The following LEUTX variants were observed in gnomAD, a reference collection of about 807,000 sequenced individuals.
LEUTX encodes leucine twenty homeobox.
A neutral mutation model predicts 4.5 loss-of-function variants in LEUTX; 5 were observed. The ratio of observed to expected loss-of-function variants is 1.11; its 90% CI spans 0.58 to 2.34. The LOEUF is 2.34. LEUTX is among the 30% of genes most tolerant of loss of function. The pLI, the probability that LEUTX is intolerant of heterozygous loss-of-function variation, is 0.01. For synonymous variants in LEUTX, 89 were observed against 85.1 expected (o/e 1.05, Z -0.25); for missense variants, 233 against 239.4 (o/e 0.97, Z 0.18).
intron 1 of LEUTX, among the ~76,000 whole-genome samples, chr19:39,783,231 A>G (rs1967913193): frequency 6.8e-6 from 1 of 148,026 alleles, no homozygotes; most frequent in African/African-American, 2.5e-5. Flanking sequence ...GCTGAGTGGC[A>G]TTCCATCATA....
intron 2 of LEUTX, among the ~76,000 whole-genome samples, 155 bp from the exon 3 acceptor site, chr19:39,785,543 T>A (rs548256863): frequency 1.3e-5 from 2 of 152,312 alleles, no homozygotes; most frequent in South Asian, 2.1e-4. Context: ...CACTTTTCCC[T>A]TGAAACCCAG....
intron 1 of LEUTX, among the ~76,000 whole-genome samples, chr19:39,782,420 C>T (rs1265626465): frequency 6.6e-6 from 1 of 152,160 alleles, no homozygotes; most frequent in Non-Finnish European, 1.5e-5. Context: ...CTCTTGCTTG[C>T]CACCACGTAA....
At chr19:39,779,177 C>A (rs941342052) in intron 1 of LEUTX, among the ~76,000 whole-genome samples, 2 of 152,102 alleles carry the variant, frequency 1.3e-5, no homozygotes, top group Non-Finnish European at 2.9e-5. Flanking sequence ...GCCTCGAGCT[C>A]CTAGGCCCTA....
intron 1 of LEUTX, among the ~76,000 whole-genome samples, 192 bp from the exon 2 acceptor site, chr19:39,784,335 C>T (rs955822282): frequency 2.0e-5 from 3 of 151,996 alleles, no homozygotes; most frequent in Non-Finnish European, 4.4e-5. Flanking sequence ...GTTAAAGAAC[C>T]TTGTGTTGTC....
intron 2 of LEUTX, 102 bp downstream of exon 2, chr19:39,784,780 G>GT: frequency 1.1e-5 from 9 of 817,708 alleles, no homozygotes; most frequent in Non-Finnish European, 1.6e-5. Flanking sequence ...CAATTGCTAT[G>GT]TGTAAGGACA....
intron 1 of LEUTX, among the ~76,000 whole-genome samples, chr19:39,781,411 T>C (rs980991420): frequency 1.3e-5 from 2 of 152,214 alleles, no homozygotes; most frequent in South Asian, 4.1e-4. Context: ...TAGTAAAAAC[T>C]CCCATTATGC....
At chr19:39,785,647 C>A in intron 2 of LEUTX, 51 bp from the exon 3 acceptor site, 1 of 1,378,228 alleles carries the variant, frequency 7.3e-7, no homozygotes, top group Non-Finnish European at 9.9e-7. Flanking sequence ...CATGAGGATG[C>A]CCCTTTATAC....
chr19:39,786,111 T>A lies in LEUTX; in HGVS notation c.573T>A (p.Tyr191Ter). ...NQYLFPVCLEYDQLQSSV is the reference protein window; with the variant it reads ...NQYLFPVCLE Reference sequence around the variant, plus strand: ...ATCTTTTTCCAGTATGCCTTGAGTATGACCAGCTCCAATCTTCAGTGTAAC... The same window carrying A: ...ATCTTTTTCCAGTATGCCTTGAGTAAGACCAGCTCCAATCTTCAGTGTAAC... The change falls in exon 3 of 3, where the codon TAT becomes TAA. Residue 191 changes from tyrosine to a stop codon, truncating the protein, a stop_gained. Transcript: ENST00000638280. LOFTEE classifies it low-confidence loss of function (END_TRUNC). The A allele has an allele frequency of 6.5e-7, 1 of 1,537,618 alleles. No individual in the cohort carries two copies. The highest frequency in any genetic ancestry group is 8.8e-7 in the Non-Finnish European group (1 of 1,140,508).
intron 1 of LEUTX, among the ~76,000 whole-genome samples, chr19:39,782,269 A>G (rs983512735): frequency 2.6e-5 from 4 of 152,154 alleles, no homozygotes; most frequent in African/African-American, 9.7e-5. Context: ...CATAATTCCC[A>G]TGCGTTGTGG....
At position 39,786,259 on chromosome 19, in the gene LEUTX, G is replaced by T. The variant is rs1374941392; in HGVS notation, c.*124G>T. ...GGCTGGGAATTTATCTTTTTCTGTA[G>T]AAAAAACAATAAAGGAACTCCCCTA... is the stretch of plus-strand genomic sequence containing the variant. On this transcript the variant is annotated 3_prime_UTR_variant, in exon 3 of 3. Coordinates refer to ENST00000638280, the MANE Select transcript of LEUTX (RefSeq NM_001382345.1). 2.7e-6 allele frequency: 2 copies of T among 743,624 alleles called. No homozygotes were observed. Among genetic ancestry groups the T allele is most frequent in the South Asian group, 2.9e-5 (1 of 34,970 alleles). 46.1% of individuals were successfully genotyped at this position (743,624 alleles called of 1,614,324 possible). A position where few individuals can be genotyped will look rare whatever the true frequency, so the allele number is the denominator to read the frequency against.
rs139180711 is a variant in LEUTX at position 39,780,328 on chromosome 19, G to C, written c.7+1401G>C. Among the ~76,000 whole-genome samples, 36 of 152,200 alleles carry C rather than the reference G, an allele frequency of 2.4e-4. No individual in the cohort carries two copies. In the East Asian group the frequency reaches 6.6e-3, roughly 28 times the overall value. ...AGTGTTGCTTTTCTAAAGACCAGTA[G>C]AATTCTAATTACCATTCCTTTGATG... On this transcript the variant is annotated intron_variant, in intron 1 of 2. Coordinates refer to ENST00000638280, the MANE Select transcript of LEUTX (RefSeq NM_001382345.1).
rs979721705 is a variant in LEUTX at position 39,779,789 on chromosome 19, G to A, written c.7+862G>A. ...AACACTTTCAGATGCCAAGGCAGGC[G>A]GATCTCTTGAGGCCAGGAGTTCAAG... On this transcript the variant is annotated intron_variant, in intron 1 of 2. Coordinates refer to ENST00000638280, the MANE Select transcript of LEUTX (RefSeq NM_001382345.1). Among the ~76,000 whole-genome samples, 10 of 152,134 alleles carry A rather than the reference G, an allele frequency of 6.6e-5. 1 individual carries two copies. The highest frequency in any genetic ancestry group is 1.4e-4 in the African/African-American group (6 of 41,418).
intron 1 of LEUTX, among the ~76,000 whole-genome samples, chr19:39,781,381 C>T (rs1197163758): frequency 6.6e-6 from 1 of 152,134 alleles, no homozygotes; most frequent in East Asian, 1.9e-4. Context: ...ATGATGAGGT[C>T]TTATTTATAT....
At position 39,784,676 on chromosome 19, in the gene LEUTX, A is replaced by C; in HGVS notation, c.157A>C (p.Lys53Gln). ...SKLQLDLSVV[K>Q]IWFKNQRAKW... ...GCTACAACTTGATCTATCCGTAGTAAAGGTCTGTTCCCAAGTGTGTCTGTA... is the reference window on the plus strand; with the variant it reads ...GCTACAACTTGATCTATCCGTAGTACAGGTCTGTTCCCAAGTGTGTCTGTA... The change falls in exon 2 of 3, where the codon AAG (lysine) becomes CAG (glutamine). Residue 53 changes from lysine (K) to glutamine (Q), a missense_variant and splice_region_variant. By Grantham distance (53) the Lys-to-Gln change is moderately conservative. Coordinates refer to ENST00000638280, the MANE Select transcript of LEUTX (RefSeq NM_001382345.1). 1 of 1,551,346 alleles carries C rather than the reference A, an allele frequency of 6.4e-7. No individual in the cohort carries two copies. Among genetic ancestry groups the C allele is most frequent in the Non-Finnish European group, 8.7e-7 (1 of 1,146,678 alleles).
At chr19:39,783,991 C>T (rs1433658929) in intron 1 of LEUTX, among the ~76,000 whole-genome samples, 1 of 152,062 alleles carries the variant, frequency 6.6e-6, no homozygotes, top group Non-Finnish European at 1.5e-5. Context: ...TTAATAAAGT[C>T]CTAGCTATTT....
At chr19:39,778,520 G>A (rs1218448365), upstream of LEUTX, among the ~76,000 whole-genome samples, 1 of 152,094 alleles carries the variant, frequency 6.6e-6, no homozygotes, top group Non-Finnish European at 1.5e-5. Context: ...CTTCCAGTTT[G>A]AATCATCTTA....
At chr19:39,778,284 C>A (rs1250304786), upstream of LEUTX, among the ~76,000 whole-genome samples, 1 of 152,134 alleles carries the variant, frequency 6.6e-6, no homozygotes, top group East Asian at 1.9e-4. Context: ...TTATGGGCTC[C>A]CCAGCTGCCC....
chr19:39,785,496 G>T (rs1052440569), intron 2 of LEUTX, among the ~76,000 whole-genome samples: 2 of 151,724 alleles, frequency 1.3e-5, no homozygotes, highest in Admixed American at 6.6e-5. Flanking sequence ...TCACAATCTA[G>T]GTCATATTCC....
At position 39,786,159 on chromosome 19, in the gene LEUTX, G is replaced by A. The variant is rs917940016; in HGVS notation, c.*24G>A. 12 of 1,486,974 alleles carry A rather than the reference G, an allele frequency of 8.1e-6. No homozygotes were observed. The highest frequency in any genetic ancestry group is 1.8e-4 in the Middle Eastern group (1 of 5,662). The allele number at this position is 1,486,974 out of a possible 1,614,324, so 92.1% of individuals were successfully genotyped here. A position where few individuals can be genotyped will look rare whatever the true frequency, so the allele number is the denominator to read the frequency against. The stretch of plus-strand genomic sequence containing the variant: ...AACTTCTTACACATCACTTCTAGGG[G>A]AGGTCTGGATCTGACCCACTGAGAC... On this transcript the variant is annotated 3_prime_UTR_variant, in exon 3 of 3. Transcript: ENST00000638280.
Sources: gnomAD v4.1 joint callset for allele counts (sites outside exome capture counted in the v4.1 genomes callset) on GRCh38, gnomAD v4.1.1 for gene constraint, MANE v1.5 for transcripts, NCBI Gene and HGNC (gene_info 2026-07-23, HGNC 2026-07-21) for gene names.